The following MAP2 variants were observed in gnomAD, a reference collection of about 807,000 sequenced individuals.
MAP2 encodes the protein microtubule associated protein 2.
A neutral mutation model predicts 137.6 loss-of-function variants in MAP2; 14 were observed. The observed-to-expected ratio is 0.10, with a 90% CI of 0.07 to 0.16. MAP2 has a LOEUF of 0.16. Among genes scored for constraint, MAP2 ranks in the 10% least tolerant of loss-of-function variants. MAP2 has a pLI of 1.00. For synonymous variants in MAP2, 786 were observed against 782.3 expected, an observed-to-expected ratio of 1.00 and a Z score of -0.08; for missense variants, 2,088 against 2,191.5, an observed-to-expected ratio of 0.95 and a Z score of 0.94.
At chr2:209,427,283 G>C (rs1180678417) in intron 1 of MAP2, among the ~76,000 whole-genome samples, 1 of 152,156 alleles carries the variant, frequency 6.6e-6, no homozygotes, top group East Asian at 1.9e-4. Context: ...GCTAAAAGTA[G>C]TCACTTTAGG....
chr2:209,538,822 AGAAGGATGT>A (rs1185405923), intron 2 of MAP2, among the ~76,000 whole-genome samples: 1 of 152,190 alleles, frequency 6.6e-6, no homozygotes, highest in African/African-American at 2.4e-5. Flanking sequence ...TTGTTCAATG[AGAAGGATGT>A]GAATTAATTA....
At chr2:209,586,137 C>T (rs540292194) in intron 3 of MAP2, among the ~76,000 whole-genome samples, 13 of 151,932 alleles carry the variant, frequency 8.6e-5, no homozygotes, top group Non-Finnish European at 1.0e-4. Context: ...TTAAGGAGTC[C>T]GGAACTCAAA....
chr2:209,728,132 C>T (rs1227164858), intron 14 of MAP2, among the ~76,000 whole-genome samples: 1 of 151,790 alleles, frequency 6.6e-6, no homozygotes, highest in East Asian at 1.9e-4. Flanking sequence ...GACCTTGTCT[C>T]CAAAAATAAA....
At chr2:209,438,375 A>G (rs1696890263) in intron 1 of MAP2, among the ~76,000 whole-genome samples, 1 of 151,632 alleles carries the variant, frequency 6.6e-6, no homozygotes, top group African/African-American at 2.4e-5. Flanking sequence ...TTTTTGCATT[A>G]CAAAATATTT....
chr2:209,516,333 A>G (rs2062496685), intron 2 of MAP2, among the ~76,000 whole-genome samples: 1 of 152,146 alleles, frequency 6.6e-6, no homozygotes, highest in Non-Finnish European at 1.5e-5. Context: ...TAGAATGAAT[A>G]TACTTTTTCC....
intron 2 of MAP2, among the ~76,000 whole-genome samples, chr2:209,551,979 A>G (rs943862345): frequency 2.0e-5 from 3 of 152,208 alleles, no homozygotes; most frequent in African/African-American, 7.2e-5. Flanking sequence ...AATATACCAT[A>G]CTTACCATAC....
intron 1 of MAP2, among the ~76,000 whole-genome samples, chr2:209,435,220 TAA>T (rs920510667): frequency 4.5e-4 from 68 of 151,356 alleles, no homozygotes; most frequent in Non-Finnish European, 8.1e-4. Context: ...ACTAGAGATA[TAA>T]GACATAAAAC....
chr2:209,438,487 C>T lies in MAP2; in HGVS notation c.-222+14211C>T, dbSNP rs548162827. On this transcript the variant is annotated intron_variant, in intron 1 of 15. Coordinates refer to ENST00000682079, the MANE Select transcript of MAP2 (RefSeq NM_001375505.1). ...TAGTTTATTGTGTAAATAACTCCAC[C>T]GATTTTATTCAGCATCCTTTTTCTG... 5.3e-5 allele frequency among the ~76,000 whole-genome samples: 8 copies of T among 151,624 alleles called. No individual in the cohort carries two copies. The South Asian group carries it at 1.5e-3, about 28-fold the overall frequency.
In MAP2 at chr2:209,695,027, G is replaced by C. The variant is rs373966847; in HGVS notation, c.2857G>C (p.Glu953Gln). 1 of 1,614,030 alleles carries C rather than the reference G, an allele frequency of 6.2e-7. No individual in the cohort carries two copies. Among genetic ancestry groups the C allele is most frequent in the African/African-American group, 1.3e-5 (1 of 74,928 alleles). The change falls in exon 8 of 16, where the codon GAG (glutamate) becomes CAG (glutamine). Residue 953 changes from glutamate to glutamine, a missense_variant. Coordinates refer to ENST00000682079, the MANE Select transcript of MAP2 (RefSeq NM_001375505.1). ...AGGACTGAGTAAGGAGTTTGACCAA[G>C]AGAAGAAAGCTAATGATAGGTTGGA... is the stretch of plus-strand genomic sequence containing the variant. Reference protein sequence around the residue: ...KSGLSKEFDQEKKANDRLDTV... With the variant: ...KSGLSKEFDQQKKANDRLDTV...
intron 7 of MAP2, among the ~76,000 whole-genome samples, chr2:209,685,376 A>T (rs753112179): frequency 6.6e-6 from 1 of 152,192 alleles, no homozygotes; most frequent in Non-Finnish European, 1.5e-5. Context: ...TGCACCTGCC[A>T]TACACAACAC....
intron 1 of MAP2, among the ~76,000 whole-genome samples, chr2:209,441,862 T>C (rs1697867942): frequency 6.6e-6 from 1 of 151,572 alleles, no homozygotes; most frequent in African/African-American, 2.4e-5. Flanking sequence ...ATTAGTACTA[T>C]AGCAGGACTG....
intron 7 of MAP2, among the ~76,000 whole-genome samples, chr2:209,690,202 C>A (rs372763808): frequency 6.6e-5 from 10 of 150,478 alleles, no homozygotes; most frequent in African/African-American, 2.4e-4. Flanking sequence ...TTTTTTTTTT[C>A]AGTACATCAG....
intron 1 of MAP2, among the ~76,000 whole-genome samples, chr2:209,439,780 T>G (rs150675105): frequency 1.1e-4 from 16 of 151,580 alleles, no homozygotes; most frequent in African/African-American, 3.9e-4. Flanking sequence ...GTATAAAGTT[T>G]ATACAATTTT....
chr2:209,599,038 G>A (rs2082231407), intron 3 of MAP2, among the ~76,000 whole-genome samples: 1 of 152,166 alleles, frequency 6.6e-6, no homozygotes, highest in African/African-American at 2.4e-5. Context: ...CTTCCACAAT[G>A]GTTGAACTAG....
chr2:209,613,255 A>T (rs935525788), intron 3 of MAP2, among the ~76,000 whole-genome samples: 4 of 80,306 alleles, frequency 5.0e-5, no homozygotes, highest in Non-Finnish European at 7.7e-5. Context: ...TTCTATTTTT[A>T]TTTATTTATT....
At chr2:209,682,596 G>A (rs2055131683) in intron 7 of MAP2, among the ~76,000 whole-genome samples, 1 of 152,098 alleles carries the variant, frequency 6.6e-6, no homozygotes. Flanking sequence ...AAAGAATAGG[G>A]AGCTTTAAAA....
intron 2 of MAP2, among the ~76,000 whole-genome samples, chr2:209,525,599 T>C (rs79158107): frequency 0.026 from 4,015 of 152,236 alleles, 61 homozygotes; most frequent in Non-Finnish European, 0.033. Flanking sequence ...TAATTCTGCC[T>C]CTGGAAAAAG....
At chr2:209,538,447 G>C (rs2066328862) in intron 2 of MAP2, among the ~76,000 whole-genome samples, 1 of 151,382 alleles carries the variant, frequency 6.6e-6, no homozygotes, top group African/African-American at 2.4e-5. Context: ...GATGAAGTGA[G>C]GTTAATGTCT....
chr2:209,597,228 G>T (rs912909581), intron 3 of MAP2, among the ~76,000 whole-genome samples: 4 of 151,884 alleles, frequency 2.6e-5, no homozygotes, highest in African/African-American at 9.7e-5. Context: ...TGTTAATTGG[G>T]GTTTTTCCAT....
Sources: gnomAD v4.1 joint callset for allele counts (sites outside exome capture counted in the v4.1 genomes callset) on GRCh38, gnomAD v4.1.1 for gene constraint, MANE v1.5 for transcripts, NCBI Gene and HGNC (gene_info 2026-07-23, HGNC 2026-07-21) for gene names.